Variants in MAN1A2 observed in about 807,000 individuals in gnomAD.
MAN1A2 encodes mannosidase alpha class 1A member 2.
MAN1A2 carries 26 observed loss-of-function variants against 75.7 expected under a neutral mutation model. That is an observed-to-expected ratio of 0.34 (90% CI 0.25 to 0.48). The LOEUF (loss-of-function observed/expected upper bound fraction) is 0.48, where lower values mean the gene tolerates loss of function less well. Ranked by LOEUF, MAN1A2 falls within the 20% of genes least tolerant of loss-of-function variation. The pLI, the probability that MAN1A2 is intolerant of heterozygous loss-of-function variation, is 0.99. For missense variants in MAN1A2, 562 were observed against 775.5 expected (o/e 0.72, Z 3.27); for synonymous variants, 247 against 264.6 (o/e 0.93, Z 0.65).
chr1:117,458,628 A>G (rs1649707016), intron 6 of MAN1A2, among the ~76,000 whole-genome samples: 1 of 149,880 alleles, frequency 6.7e-6, no homozygotes, highest in Admixed American at 6.7e-5. Flanking sequence ...GGTTTAAGCG[A>G]TTCTCCTGCC....
chr1:117,404,900 A>G (rs1647563924), intron 2 of MAN1A2, among the ~76,000 whole-genome samples: 2 of 152,060 alleles, frequency 1.3e-5, no homozygotes, highest in South Asian at 4.2e-4. Context: ...TAAAAATAAC[A>G]AAAAATTAGC....
At chr1:117,500,938 G>A (rs1272190342) in intron 11 of MAN1A2, among the ~76,000 whole-genome samples, 1 of 151,782 alleles carries the variant, frequency 6.6e-6, no homozygotes. Context: ...TAATGAATCT[G>A]TTTCACTTGA....
intron 1 of MAN1A2, among the ~76,000 whole-genome samples, chr1:117,372,597 A>G (rs1468180449): frequency 1.3e-5 from 2 of 152,156 alleles, no homozygotes; most frequent in African/African-American, 4.8e-5. Context: ...TCAAATGTGT[A>G]GTTTGGTGTT....
intron 8 of MAN1A2, among the ~76,000 whole-genome samples, chr1:117,484,641 A>G (rs1650615404): frequency 6.6e-6 from 1 of 152,004 alleles, no homozygotes. Flanking sequence ...TGTCTGTGAA[A>G]TTATTACAGT....
intron 1 of MAN1A2, among the ~76,000 whole-genome samples, chr1:117,385,000 G>T (rs1164356943): frequency 6.6e-6 from 1 of 152,092 alleles, no homozygotes; most frequent in Non-Finnish European, 1.5e-5. Flanking sequence ...GAAAATTTTG[G>T]TTTACTTACT....
rs1652000290 is a variant in MAN1A2 at position 117,525,818 on chromosome 1, G to C, written c.*2861G>C. 1 of 151,732 alleles carries C rather than the reference G, an allele frequency of 6.6e-6. No homozygotes were observed. Among genetic ancestry groups the C allele is most frequent in the South Asian group, 2.1e-4 (1 of 4,824 alleles). The allele number at this position is 151,732 out of a possible 1,614,324, so 9.4% of individuals were successfully genotyped here. A position where few individuals can be genotyped will look rare whatever the true frequency, so the allele number is the denominator to read the frequency against. On this transcript the variant is annotated 3_prime_UTR_variant, in exon 13 of 13. Transcript: ENST00000356554. ...CTAACCAAAAAGAAGTCTCAACTCA[G>C]AAAAATAAGTCCCCAGTCAGGTGGT...
intron 5 of MAN1A2, among the ~76,000 whole-genome samples, chr1:117,441,934 A>T (rs955382433): frequency 6.6e-6 from 1 of 152,198 alleles, no homozygotes; most frequent in Non-Finnish European, 1.5e-5. Flanking sequence ...TCCATAGCCT[A>T]ATGTTTCTTC....
chr1:117,447,564 C>T (rs1649275077), intron 6 of MAN1A2, among the ~76,000 whole-genome samples: 1 of 152,008 alleles, frequency 6.6e-6, no homozygotes, highest in South Asian at 2.1e-4. Context: ...GTTGACATTT[C>T]CTTAATAAGT....
intron 1 of MAN1A2, among the ~76,000 whole-genome samples, chr1:117,383,691 C>G (rs563701579): frequency 6.6e-6 from 1 of 151,920 alleles, no homozygotes; most frequent in East Asian, 1.9e-4. Context: ...AGAATTTGTC[C>G]ACTTCATGTA....
intron 1 of MAN1A2, among the ~76,000 whole-genome samples, chr1:117,400,035 G>A (rs1647367252): frequency 6.6e-6 from 1 of 152,064 alleles, no homozygotes; most frequent in Non-Finnish European, 1.5e-5. Context: ...TTCTGCCTTG[G>A]ATATCTTATA....
chr1:117,519,699 C>CA (rs1450402151), intron 12 of MAN1A2, among the ~76,000 whole-genome samples: 8 of 151,334 alleles, frequency 5.3e-5, no homozygotes, highest in African/African-American at 1.2e-4. Flanking sequence ...CAATTACCAA[C>CA]AAAAAAAAGC....
At chr1:117,416,779 T>C (rs751897509) in intron 4 of MAN1A2, among the ~76,000 whole-genome samples, 24 of 152,174 alleles carry the variant, frequency 1.6e-4, no homozygotes, top group Non-Finnish European at 2.4e-4. Flanking sequence ...TCTATGGAAC[T>C]GGTACCTGTG....
intron 5 of MAN1A2, among the ~76,000 whole-genome samples, chr1:117,432,300 A>G (rs1309593010): frequency 6.6e-6 from 1 of 152,092 alleles, no homozygotes; most frequent in Non-Finnish European, 1.5e-5. Flanking sequence ...GCAAAATTTA[A>G]TAATGTAGAC....
chr1:117,459,926 C>A (rs1462337714), intron 6 of MAN1A2, among the ~76,000 whole-genome samples: 1 of 152,110 alleles, frequency 6.6e-6, no homozygotes, highest in African/African-American at 2.4e-5. Context: ...CAGTTTATAA[C>A]TTTGGACCTG....
In MAN1A2 at chr1:117,368,485, GGTTT is replaced by G. The variant is rs1166534898; in HGVS notation, c.302+5_302+8del. The G allele has an allele frequency of 6.3e-7, 1 of 1,596,412 alleles. No homozygotes were observed. The highest frequency in any genetic ancestry group is 1.4e-5 in the African/African-American group (1 of 73,778). On this transcript the variant is annotated splice_donor_variant and splice_donor_region_variant and intron_variant, in intron 1 of 12. Transcript: ENST00000356554. LOFTEE classifies it high-confidence loss of function. Reference sequence around the variant, plus strand: ...CATGGACCCGATGAACATAGACACAGGTTTGTTTATTTCAGAAGTTCTGGTACTA... The same window carrying G: ...CATGGACCCGATGAACATAGACACAGGTTTATTTCAGAAGTTCTGGTACTA...
chr1:117,411,769 A>G (rs947789173), intron 3 of MAN1A2, among the ~76,000 whole-genome samples: 4 of 151,806 alleles, frequency 2.6e-5, no homozygotes, highest in African/African-American at 7.2e-5. Context: ...TCACACCACA[A>G]TGGAATATTT....
chr1:117,371,045 A>G (rs958328240), intron 1 of MAN1A2, among the ~76,000 whole-genome samples: 1 of 152,204 alleles, frequency 6.6e-6, no homozygotes, highest in Non-Finnish European at 1.5e-5. Context: ...TCTACTTTAC[A>G]GATTGTTTTA....
chr1:117,418,323 T>C (rs1648075120), intron 4 of MAN1A2, among the ~76,000 whole-genome samples: 1 of 152,072 alleles, frequency 6.6e-6, no homozygotes, highest in Non-Finnish European at 1.5e-5. Flanking sequence ...AGGGTGATGA[T>C]AAGTGCTATG....
intron 8 of MAN1A2, among the ~76,000 whole-genome samples, chr1:117,488,122 C>T (rs891034702): frequency 6.6e-6 from 1 of 151,996 alleles, no homozygotes; most frequent in African/African-American, 2.4e-5. Flanking sequence ...TAATGTTTGA[C>T]ATTCAGGAAG....
Sources: gnomAD v4.1 joint callset for allele counts (sites outside exome capture counted in the v4.1 genomes callset) on GRCh38, gnomAD v4.1.1 for gene constraint, MANE v1.5 for transcripts, NCBI Gene and HGNC (gene_info 2026-07-23, HGNC 2026-07-21) for gene names.